IL1RAPL1: variants seen among roughly 807,000 people sequenced by gnomAD.
The protein encoded by IL1RAPL1 is interleukin 1 receptor accessory protein like 1, also known as interleukin-1 receptor accessory protein-like 1.
In IL1RAPL1, 3 loss-of-function variants were observed where a neutral mutation model predicts 48.4. The ratio of observed to expected loss-of-function variants is 0.06; its 90% CI spans 0.03 to 0.16. The LOEUF (loss-of-function observed/expected upper bound fraction) is 0.16. IL1RAPL1 is among the 10% of genes least tolerant of loss of function. IL1RAPL1 has a pLI of 1.00. For synonymous variants in IL1RAPL1, 185 were observed against 187.7 expected, an observed-to-expected ratio of 0.99 and a Z score of 0.12; for missense variants, 349 against 530.6, an observed-to-expected ratio of 0.66 and a Z score of 3.36.
At chrX:28,607,857 A>G (rs1035498180) in intron 1 of IL1RAPL1, among the ~76,000 whole-genome samples, 1 of 111,003 alleles carries the variant, frequency 9.0e-6, no homozygotes, top group African/African-American at 3.3e-5. Flanking sequence ...TTTAATAGCT[A>G]TGTTCACCAC....
chrX:28,829,248 A>G (rs1228417047), intron 2 of IL1RAPL1, among the ~76,000 whole-genome samples: 1 of 111,723 alleles, frequency 9.0e-6, no homozygotes, highest in African/African-American at 3.3e-5. Flanking sequence ...ATGTATATGT[A>G]TAGATTCCTT....
intron 6 of IL1RAPL1, among the ~76,000 whole-genome samples, chrX:29,684,977 G>A (rs993020780): frequency 3.6e-5 from 4 of 112,153 alleles, no homozygotes; most frequent in South Asian, 3.7e-4. Context: ...TAGGATTCAC[G>A]TTTTCTTTCT....
At chrX:28,639,917 G>A (rs1489519748) in intron 1 of IL1RAPL1, among the ~76,000 whole-genome samples, 1 of 111,822 alleles carries the variant, frequency 8.9e-6, no homozygotes, top group Non-Finnish European at 1.9e-5. Flanking sequence ...TAGTATCCAA[G>A]GTCAAGTTTT....
At chrX:29,111,408 C>T (rs1283657783) in intron 2 of IL1RAPL1, among the ~76,000 whole-genome samples, 2 of 112,396 alleles carry the variant, frequency 1.8e-5, no homozygotes, top group Non-Finnish European at 3.8e-5. Context: ...GGTGCCTCCA[C>T]ACTGATGAGT....
At chrX:28,598,221 A>T (rs973055947) in intron 1 of IL1RAPL1, among the ~76,000 whole-genome samples, 2 of 112,377 alleles carry the variant, frequency 1.8e-5, no homozygotes, top group Non-Finnish European at 3.8e-5. Context: ...TCTTTTGCTA[A>T]CTACCAATAA....
At chrX:28,675,622 A>AAT (rs895128265) in intron 1 of IL1RAPL1, among the ~76,000 whole-genome samples, 2 of 112,037 alleles carry the variant, frequency 1.8e-5, no homozygotes, top group Non-Finnish European at 3.8e-5. Flanking sequence ...AGCATAATAC[A>AAT]ATATATATAA....
intron 2 of IL1RAPL1, among the ~76,000 whole-genome samples, chrX:29,059,620 C>A (rs1313479557): frequency 3.6e-5 from 4 of 111,628 alleles, no homozygotes; most frequent in Non-Finnish European, 7.5e-5. Flanking sequence ...AATGATCAAG[C>A]ATGAAGAAAC....
At chrX:29,488,025 C>T (rs183654508) in intron 5 of IL1RAPL1, among the ~76,000 whole-genome samples, 1 of 112,237 alleles carries the variant, frequency 8.9e-6, no homozygotes, top group East Asian at 2.8e-4. Context: ...TAGATCAGAA[C>T]CAAGTCCTTT....
At chrX:29,082,940 C>CTA (rs908428374) in intron 2 of IL1RAPL1, among the ~76,000 whole-genome samples, 20 of 111,145 alleles carry the variant, frequency 1.8e-4, no homozygotes, top group Admixed American at 2.9e-4. Flanking sequence ...ACATTTTTGA[C>CTA]TATATATATA....
chrX:29,208,329 A>G (rs935460434), intron 2 of IL1RAPL1, among the ~76,000 whole-genome samples: 3 of 111,826 alleles, frequency 2.7e-5, no homozygotes, highest in African/African-American at 9.7e-5. Context: ...GAATTTGGCA[A>G]TGAGAAATAG....
At chrX:29,535,950 G>A (rs1921216798) in intron 5 of IL1RAPL1, among the ~76,000 whole-genome samples, 1 of 111,882 alleles carries the variant, frequency 8.9e-6, no homozygotes, top group Non-Finnish European at 1.9e-5. Context: ...TTCTGGAACT[G>A]AATAACTAAA....
At chrX:29,595,457 T>G (rs962106935) in intron 5 of IL1RAPL1, among the ~76,000 whole-genome samples, 1 of 112,065 alleles carries the variant, frequency 8.9e-6, no homozygotes, top group Non-Finnish European at 1.9e-5. Flanking sequence ...TGGTATCACA[T>G]TGTGGTTTTG....
At chrX:28,909,202 A>T (rs1202934120) in intron 2 of IL1RAPL1, among the ~76,000 whole-genome samples, 3 of 111,543 alleles carry the variant, frequency 2.7e-5, no homozygotes, top group Non-Finnish European at 5.7e-5. Context: ...ATTGATACAG[A>T]TGGATTAATG....
At chrX:28,949,275 GTT>G (rs563294290) in intron 2 of IL1RAPL1, among the ~76,000 whole-genome samples, 3 of 98,481 alleles carry the variant, frequency 3.0e-5, no homozygotes, top group Non-Finnish European at 2.1e-5. Context: ...GGTGTTTTTT[GTT>G]TTTTTTTTTT....
At chrX:29,158,437 C>T (rs181771694) in intron 2 of IL1RAPL1, among the ~76,000 whole-genome samples, 194 of 110,725 alleles carry the variant, frequency 1.8e-3, no homozygotes, top group African/African-American at 5.8e-3. Context: ...TGCAGTGGCA[C>T]GATCTCCCTC....
At chrX:29,449,780 C>CACACACACACAG (rs557765024) in intron 5 of IL1RAPL1, among the ~76,000 whole-genome samples, 1 of 58,275 alleles carries the variant, frequency 1.7e-5, no homozygotes, top group African/African-American at 7.5e-5. Flanking sequence ...CACACACACA[C>CACACACACACAG]AGAGAGAGAG....
chrX:29,641,442 TA>T (rs1324441253), intron 5 of IL1RAPL1, among the ~76,000 whole-genome samples: 1 of 112,608 alleles, frequency 8.9e-6, no homozygotes, highest in Non-Finnish European at 1.9e-5. Context: ...CCCAGGTGTT[TA>T]CATGGCCTGG....
At chrX:29,378,979 C>T (rs773025491) in intron 3 of IL1RAPL1, among the ~76,000 whole-genome samples, 2 of 112,705 alleles carry the variant, frequency 1.8e-5, no homozygotes, top group Non-Finnish European at 3.8e-5. Flanking sequence ...CCATGCCAGT[C>T]CATGAACCCA....
intron 6 of IL1RAPL1, among the ~76,000 whole-genome samples, chrX:29,799,369 A>T (rs918791502): frequency 5.4e-5 from 6 of 112,041 alleles, no homozygotes; most frequent in Non-Finnish European, 7.5e-5. Flanking sequence ...TTTCCTTTAC[A>T]TATAAAAATT....
Sources: allele counts gnomAD v4.1 joint callset (sites outside exome capture counted in the v4.1 genomes callset), GRCh38; gene constraint gnomAD v4.1.1; transcripts MANE v1.5; gene names NCBI Gene and HGNC (gene_info 2026-07-23, HGNC 2026-07-21).